Variants in NTNG1 observed in about 807,000 individuals in gnomAD.
NTNG1 encodes netrin-G1.
In NTNG1, 16 loss-of-function variants were observed where a neutral mutation model predicts 54.0. The observed-to-expected ratio is 0.30, with a 90% CI of 0.20 to 0.45. The LOEUF (loss-of-function observed/expected upper bound fraction) is 0.45, where lower values mean the gene tolerates loss of function less well. NTNG1 is among the 20% of genes least tolerant of loss of function. The pLI, the probability that NTNG1 is intolerant of heterozygous loss-of-function variation, is 1.00. For missense variants in NTNG1, 530 were observed against 678.7 expected, an observed-to-expected ratio of 0.78 and a Z score of 2.43; for synonymous variants, 255 against 263.1, an observed-to-expected ratio of 0.97 and a Z score of 0.30.
chr1:107,354,399 G>C (rs1007860360), intron 3 of NTNG1, among the ~76,000 whole-genome samples: 3 of 148,996 alleles, frequency 2.0e-5, no homozygotes, highest in Non-Finnish European at 4.4e-5. Flanking sequence ...AACCCGGGAG[G>C]TGGAGCCTGC....
chr1:107,474,068 G>A (rs151119094), intron 7 of NTNG1, among the ~76,000 whole-genome samples: 1 of 152,282 alleles, frequency 6.6e-6, no homozygotes, highest in African/African-American at 2.4e-5. Flanking sequence ...TACCAAAGCA[G>A]TATTAGTTTT....
At position 107,484,082 on chromosome 1, in the gene NTNG1, G is replaced by A. The variant is rs1455923860; in HGVS notation, c.*3242G>A. 6.6e-6 allele frequency among the ~76,000 whole-genome samples: 1 copy of A among 152,168 alleles called. No individual in the cohort carries two copies. Among genetic ancestry groups the A allele is most frequent in the Non-Finnish European group, 1.5e-5 (1 of 68,038 alleles). On this transcript the variant is annotated 3_prime_UTR_variant, in exon 8 of 8. Coordinates refer to ENST00000370068, the MANE Select transcript of NTNG1 (RefSeq NM_001113226.3). ...TAGGCCAAATGTAGGCCCCCTCTGG[G>A]GGTTTAAACTCCTGGAGGCAAGCAA...
intron 2 of NTNG1, among the ~76,000 whole-genome samples, chr1:107,202,839 C>A (rs1658861768): frequency 6.6e-6 from 1 of 151,878 alleles, no homozygotes; most frequent in South Asian, 2.1e-4. Context: ...CTGGCAATCA[C>A]TGATCTGTTT....
At chr1:107,233,605 G>A (rs1661208753) in intron 2 of NTNG1, among the ~76,000 whole-genome samples, 2 of 152,112 alleles carry the variant, frequency 1.3e-5, no homozygotes, top group East Asian at 3.9e-4. Context: ...TTCTTTTAGT[G>A]AGTTCCCCGC....
At chr1:107,257,451 G>A (rs917478024) in intron 2 of NTNG1, among the ~76,000 whole-genome samples, 5 of 152,058 alleles carry the variant, frequency 3.3e-5, no homozygotes, top group African/African-American at 7.2e-5. Context: ...CCTCAACTTC[G>A]CAGTCAGCTC....
chr1:107,325,288 A>G (rs78963433), intron 3 of NTNG1, among the ~76,000 whole-genome samples: 2,661 of 152,262 alleles, frequency 0.017, 36 homozygotes, highest in Non-Finnish European at 0.028. Flanking sequence ...ATTGTTTACA[A>G]ATGCAAAGCA....
chr1:107,370,456 C>T (rs551535426), intron 3 of NTNG1, among the ~76,000 whole-genome samples: 285 of 151,366 alleles, frequency 1.9e-3, no homozygotes, highest in Middle Eastern at 3.4e-3. Flanking sequence ...CACCCCTCAC[C>T]CAAGCAGTAT....
At chr1:107,449,113 A>G (rs1298970381) in intron 7 of NTNG1, among the ~76,000 whole-genome samples, 3 of 151,946 alleles carry the variant, frequency 2.0e-5, no homozygotes, top group Non-Finnish European at 2.9e-5. Flanking sequence ...TTGAAAAGAG[A>G]TGAGCAGAAC....
chr1:107,361,908 T>G (rs1320878300), intron 3 of NTNG1, among the ~76,000 whole-genome samples: 2 of 152,146 alleles, frequency 1.3e-5, no homozygotes, highest in Non-Finnish European at 2.9e-5. Context: ...CTACACTATT[T>G]TGTAGAATCT....
At chr1:107,323,007 C>T (rs935411230) in intron 2 of NTNG1, among the ~76,000 whole-genome samples, 5 of 151,540 alleles carry the variant, frequency 3.3e-5, no homozygotes, top group African/African-American at 1.2e-4. Flanking sequence ...TCATAGGAGT[C>T]AGCTAGTAAC....
intron 5 of NTNG1, chr1:107,421,109 A>C: frequency 6.2e-7 from 1 of 1,610,170 alleles, no homozygotes; most frequent in South Asian, 1.1e-5. Context: ...CTTTGTCAAC[A>C]GTTTCTTCTG....
At chr1:107,283,747 A>G (rs2101736714) in intron 2 of NTNG1, among the ~76,000 whole-genome samples, 1 of 152,280 alleles carries the variant, frequency 6.6e-6, no homozygotes, top group African/African-American at 2.4e-5. Context: ...CTTGTGCTGA[A>G]GAACCTATGG....
intron 2 of NTNG1, among the ~76,000 whole-genome samples, chr1:107,303,581 G>T (rs1350872545): frequency 6.6e-6 from 1 of 151,916 alleles, no homozygotes; most frequent in Non-Finnish European, 1.5e-5. Flanking sequence ...ATCAAACATT[G>T]ATAAGTCTTA....
chr1:107,364,947 C>G (rs1012037306), intron 3 of NTNG1, among the ~76,000 whole-genome samples: 1 of 152,068 alleles, frequency 6.6e-6, no homozygotes, highest in Non-Finnish European at 1.5e-5. Flanking sequence ...ACTTGTAACA[C>G]TGATGGGAAA....
At chr1:107,150,758 C>T (rs936220300) in intron 2 of NTNG1, among the ~76,000 whole-genome samples, 1 of 152,180 alleles carries the variant, frequency 6.6e-6, no homozygotes, top group Non-Finnish European at 1.5e-5. Context: ...GTGTCTTCAG[C>T]ATGCCTCTTC....
chr1:107,205,769 G>A (rs535279309), intron 2 of NTNG1, among the ~76,000 whole-genome samples: 3 of 151,978 alleles, frequency 2.0e-5, no homozygotes, highest in Non-Finnish European at 4.4e-5. Flanking sequence ...CACACTCCCA[G>A]GAACACCTCT....
Position 107,324,270 on chromosome 1 carries a change from C to A in NTNG1, c.247-12C>A, listed in dbSNP as rs1667819904. 1 of 1,607,736 alleles carries A rather than the reference C, an allele frequency of 6.2e-7. No homozygotes were observed. The highest frequency in any genetic ancestry group is 8.5e-7 in the Non-Finnish European group (1 of 1,175,420). On this transcript the variant is annotated splice_polypyrimidine_tract_variant and intron_variant, in intron 2 of 7. Coordinates refer to ENST00000370068, the MANE Select transcript of NTNG1 (RefSeq NM_001113226.3). Reference sequence around the variant, plus strand: ...GTGTTTTGATGCACGCTCTTTTGTTCTTCTTCCATAGGGCAATCCCTACAT... The same window carrying A: ...GTGTTTTGATGCACGCTCTTTTGTTATTCTTCCATAGGGCAATCCCTACAT...
intron 7 of NTNG1, among the ~76,000 whole-genome samples, chr1:107,444,871 C>T (rs964632767): frequency 6.6e-6 from 1 of 152,090 alleles, no homozygotes; most frequent in African/African-American, 2.4e-5. Flanking sequence ...ATATGTGAAG[C>T]TCTTTTCTTA....
chr1:107,365,402 T>C (rs1188373938), intron 3 of NTNG1, among the ~76,000 whole-genome samples: 1 of 152,206 alleles, frequency 6.6e-6, no homozygotes, highest in Non-Finnish European at 1.5e-5. Context: ...CGCATTAATC[T>C]TTCTTGGCAC....
Sources: allele counts gnomAD v4.1 joint callset (sites outside exome capture counted in the v4.1 genomes callset), GRCh38; gene constraint gnomAD v4.1.1; transcripts MANE v1.5; gene names NCBI Gene and HGNC (gene_info 2026-07-23, HGNC 2026-07-21).